Variants in GRIA4 observed in about 807,000 individuals in gnomAD.
GRIA4 encodes the protein glutamate receptor 4.
Under a neutral mutation model 104.0 loss-of-function variants are expected in GRIA4, and 34 were observed. That is an observed-to-expected ratio of 0.33 (90% CI 0.25 to 0.44). The LOEUF (loss-of-function observed/expected upper bound fraction) is 0.44, where lower values mean the gene tolerates loss of function less well. Ranked by LOEUF, GRIA4 falls within the 20% of genes least tolerant of loss-of-function variation. The pLI is 1.00. For missense variants in GRIA4, 750 were observed against 1,096.5 expected, an observed-to-expected ratio of 0.68 and a Z score of 4.46; for synonymous variants, 386 against 381.9, an observed-to-expected ratio of 1.01 and a Z score of -0.13.
chr11:105,893,944 G>T (rs974704489), intron 6 of GRIA4, among the ~76,000 whole-genome samples: 1 of 152,128 alleles, frequency 6.6e-6, no homozygotes, highest in South Asian at 2.1e-4. Context: ...ACTTTCTGGC[G>T]TCTAGTTTCT....
chr11:105,773,251 G>A (rs1228785527), intron 4 of GRIA4, among the ~76,000 whole-genome samples: 1 of 152,008 alleles, frequency 6.6e-6, no homozygotes, highest in African/African-American at 2.4e-5. Context: ...GAGGGAGAAA[G>A]AAGAGACAAA....
At chr11:105,778,300 T>C (rs1941542849) in intron 4 of GRIA4, among the ~76,000 whole-genome samples, 1 of 152,206 alleles carries the variant, frequency 6.6e-6, no homozygotes, top group African/African-American at 2.4e-5. Context: ...AGTTAATGGA[T>C]TGGACAGTCA....
rs572753088 is a variant in GRIA4 at position 105,697,467 on chromosome 11, A to G, written c.248-55514A>G. 3.9e-4 allele frequency among the ~76,000 whole-genome samples: 59 copies of G among 152,346 alleles called. 1 individual carries two copies. Among genetic ancestry groups the G allele is most frequent in the Admixed American group, 3.6e-3 (55 of 15,294 alleles). The stretch of plus-strand genomic sequence containing the variant: ...AAAGGTGGGGCAAAGGTGGAAGGAC[A>G]TGACTGTGAAAGATGGGGAGGAAGC... On this transcript the variant is annotated intron_variant, in intron 3 of 16. Coordinates refer to ENST00000282499, the MANE Select transcript of GRIA4 (RefSeq NM_000829.4).
At chr11:105,715,819 T>G (rs2135560543) in intron 3 of GRIA4, among the ~76,000 whole-genome samples, 1 of 152,216 alleles carries the variant, frequency 6.6e-6, no homozygotes, top group South Asian at 2.1e-4. Flanking sequence ...CTACCATCCT[T>G]TAAAGCATCC....
intron 3 of GRIA4, among the ~76,000 whole-genome samples, chr11:105,691,238 A>G (rs979410500): frequency 1.3e-5 from 2 of 152,216 alleles, no homozygotes; most frequent in Non-Finnish European, 2.9e-5. Flanking sequence ...ATAGGTAACA[A>G]CAACCCAGTT....
intron 4 of GRIA4, among the ~76,000 whole-genome samples, chr11:105,834,877 C>G (rs1326449546): frequency 6.6e-6 from 1 of 151,854 alleles, no homozygotes; most frequent in African/African-American, 2.4e-5. Flanking sequence ...CAGCCTGCTG[C>G]AAATAGTCTT....
chr11:105,633,481 T>G (rs994832336), intron 3 of GRIA4, among the ~76,000 whole-genome samples: 8 of 152,186 alleles, frequency 5.3e-5, no homozygotes, highest in Non-Finnish European at 1.2e-4. Context: ...AAAATTGTAC[T>G]AAACCCTTAG....
intron 3 of GRIA4, among the ~76,000 whole-genome samples, chr11:105,704,266 TC>T (rs1953612613): frequency 6.6e-6 from 1 of 152,000 alleles, no homozygotes; most frequent in South Asian, 2.1e-4. Flanking sequence ...TAAAAGGGTG[TC>T]CAATTTAGAA....
chr11:105,698,553 C>T (rs553671012), intron 3 of GRIA4, among the ~76,000 whole-genome samples: 30 of 152,174 alleles, frequency 2.0e-4, no homozygotes, highest in Admixed American at 3.9e-4. Flanking sequence ...CAATGAGACA[C>T]GAAAGGAATC....
intron 3 of GRIA4, among the ~76,000 whole-genome samples, chr11:105,714,822 CGT>C (rs963850110): frequency 5.0e-4 from 75 of 150,564 alleles, no homozygotes; most frequent in African/African-American, 1.8e-3. Context: ...TGTGTGTGTT[CGT>C]GTGTGTGTGT....
chr11:105,896,747 T>C (rs543832695), intron 6 of GRIA4, among the ~76,000 whole-genome samples: 1 of 152,190 alleles, frequency 6.6e-6, no homozygotes, highest in East Asian at 1.9e-4. Context: ...TCTGGTTTCA[T>C]TATTGTGTTC....
chr11:105,767,631 G>T (rs1020653316), intron 4 of GRIA4, among the ~76,000 whole-genome samples: 1 of 152,066 alleles, frequency 6.6e-6, no homozygotes, highest in Non-Finnish European at 1.5e-5. Context: ...GGTTCTTCAA[G>T]AATTTATAAT....
chr11:105,675,795 T>G (rs1952517021), intron 3 of GRIA4, among the ~76,000 whole-genome samples: 1 of 151,780 alleles, frequency 6.6e-6, no homozygotes, highest in Non-Finnish European at 1.5e-5. Context: ...GATCATATAT[T>G]TTGACAAATA....
At chr11:105,717,352 TCCTA>T (rs889901523) in intron 3 of GRIA4, among the ~76,000 whole-genome samples, 23 of 152,264 alleles carry the variant, frequency 1.5e-4, no homozygotes, top group African/African-American at 3.8e-4. Context: ...GGAATTCTGC[TCCTA>T]CCTAAGCCAC....
chr11:105,732,008 C>T (rs1591159766), intron 3 of GRIA4, among the ~76,000 whole-genome samples: 1 of 151,984 alleles, frequency 6.6e-6, no homozygotes, highest in African/African-American at 2.4e-5. Context: ...ACATGTATCC[C>T]AGAACTTAAA....
At chr11:105,668,217 C>T (rs2409575) in intron 3 of GRIA4, among the ~76,000 whole-genome samples, 1 of 21,566 alleles carries the variant, frequency 4.6e-5, no homozygotes, top group Non-Finnish European at 1.0e-4. Flanking sequence ...CACACACACA[C>T]ATATAATATA....
chr11:105,788,995 AG>A (rs2135797236), intron 4 of GRIA4, among the ~76,000 whole-genome samples: 1 of 152,324 alleles, frequency 6.6e-6, no homozygotes, highest in Admixed American at 6.5e-5. Flanking sequence ...ATTAGGACTT[AG>A]GACTAAATTG....
At chr11:105,714,107 T>C (rs553761590) in intron 3 of GRIA4, among the ~76,000 whole-genome samples, 3 of 152,300 alleles carry the variant, frequency 2.0e-5, no homozygotes, top group South Asian at 4.1e-4. Context: ...TCCACATTTA[T>C]ATTTATGGAA....
rs1219773044 is a variant in GRIA4, at chr11:105,632,954, A to G, written c.247+20520A>G. On this transcript the variant is annotated intron_variant, in intron 3 of 16. Coordinates refer to ENST00000282499, the MANE Select transcript of GRIA4 (RefSeq NM_000829.4). ...CATTTCAATGGCTGATGGAGGTGAGAGAAAAGGGGTCTTGAGAATTGTAAC... is the reference window on the plus strand; with the variant it reads ...CATTTCAATGGCTGATGGAGGTGAGGGAAAAGGGGTCTTGAGAATTGTAAC... Among the ~76,000 whole-genome samples the G allele has an allele frequency of 2.0e-5, 3 of 152,172 alleles. No individual in the cohort carries two copies. The East Asian group carries it at 5.8e-4, about 29-fold the overall frequency.
Sources: gnomAD v4.1 joint callset for allele counts (sites outside exome capture counted in the v4.1 genomes callset) on GRCh38, gnomAD v4.1.1 for gene constraint, MANE v1.5 for transcripts, NCBI Gene and HGNC (gene_info 2026-07-23, HGNC 2026-07-21) for gene names.